The following SUSD6 variants were observed in gnomAD, a reference collection of about 807,000 sequenced individuals.
SUSD6 encodes the protein sushi domain containing 6.
Under a neutral mutation model 28.4 loss-of-function variants are expected in SUSD6, and 16 were observed. The observed-to-expected ratio is 0.56, with a 90% CI of 0.38 to 0.86. The LOEUF (loss-of-function observed/expected upper bound fraction) is 0.86, where lower values mean the gene tolerates loss of function less well. Among genes scored for constraint, SUSD6 ranks in the 40% least tolerant of loss-of-function variants. The probability of loss-of-function intolerance (pLI) is 0.00; values close to 1 mark genes in which losing one functional copy is unlikely to be tolerated. For missense variants in SUSD6, 341 were observed against 384.2 expected (o/e 0.89, Z 0.94); for synonymous variants, 147 against 159.6 (o/e 0.92, Z 0.59).
chr14:69,700,558 G>T (rs1489097247), intron 2 of SUSD6, among the ~76,000 whole-genome samples: 1 of 152,148 alleles, frequency 6.6e-6, no homozygotes, highest in Non-Finnish European at 1.5e-5. Flanking sequence ...AAACTGGGCT[G>T]CTTGCTGTTC....
At chr14:69,640,662 G>T (rs1314165468) in intron 1 of SUSD6, among the ~76,000 whole-genome samples, 1 of 152,180 alleles carries the variant, frequency 6.6e-6, no homozygotes, top group Non-Finnish European at 1.5e-5. Context: ...ATCTGAATTT[G>T]TAGAGGGCAG....
intron 1 of SUSD6, among the ~76,000 whole-genome samples, chr14:69,633,717 C>T (rs1885227360): frequency 1.3e-5 from 2 of 152,132 alleles, no homozygotes; most frequent in Admixed American, 6.5e-5. Context: ...ACATGATTGC[C>T]TTATTGTGTG....
chr14:69,688,886 A>G (rs1367632436), intron 2 of SUSD6, among the ~76,000 whole-genome samples: 1 of 152,228 alleles, frequency 6.6e-6, no homozygotes, highest in Non-Finnish European at 1.5e-5. Context: ...CTCATGGAAG[A>G]GGAACCCAAG....
chr14:69,684,770 C>T (rs537526137), intron 2 of SUSD6, among the ~76,000 whole-genome samples: 2 of 152,364 alleles, frequency 1.3e-5, no homozygotes, highest in East Asian at 1.9e-4. Flanking sequence ...GCCTTGACTT[C>T]CCCTGCCAGG....
chr14:69,710,898 T>C, intron 5 of SUSD6, 56 bp from the exon 6 acceptor site: 1 of 1,566,724 alleles, frequency 6.4e-7, no homozygotes, highest in Non-Finnish European at 8.8e-7. Context: ...GGGTCGAGAG[T>C]GCTCTAGAGT....
chr14:69,714,856 C>T lies in SUSD6; in HGVS notation c.*3877C>T, dbSNP rs543845799. The T allele has an allele frequency of 6.6e-6, 1 of 152,332 alleles. No homozygotes were observed. The highest frequency in any genetic ancestry group is 2.4e-5 in the African/African-American group (1 of 41,564). 9.4% of individuals were successfully genotyped at this position (152,332 alleles called of 1,614,324 possible). A position where few individuals can be genotyped will look rare whatever the true frequency, so the allele number is the denominator to read the frequency against. ...CGTGGGCTGTGTGGCAGTCCCCACA[C>T]CCTGCCCTGGCTTCTTCAGGTTATC... is the stretch of plus-strand genomic sequence containing the variant. On this transcript the variant is annotated 3_prime_UTR_variant, in exon 6 of 6. Coordinates refer to ENST00000342745, the MANE Select transcript of SUSD6 (RefSeq NM_014734.4).
At chr14:69,702,432 C>T (rs900665494) in intron 2 of SUSD6, among the ~76,000 whole-genome samples, 2 of 152,198 alleles carry the variant, frequency 1.3e-5, no homozygotes, top group African/African-American at 4.8e-5. Context: ...TCCACTCAGA[C>T]CTTCCAGATC....
At chr14:69,667,812 A>T (rs1366616734) in intron 2 of SUSD6, among the ~76,000 whole-genome samples, 1 of 151,676 alleles carries the variant, frequency 6.6e-6, no homozygotes, top group Admixed American at 6.6e-5. Flanking sequence ...TTTCGGTTTT[A>T]TTTCTTTGGT....
chr14:69,709,205 CAA>C, intron 5 of SUSD6, 101 bp downstream of exon 5: 5 of 1,129,912 alleles, frequency 4.4e-6, no homozygotes, highest in Non-Finnish European at 6.2e-6. Flanking sequence ...ATATTTTTAG[CAA>C]AAAAAAGATA....
chr14:69,706,520 C>T (rs973109845), intron 4 of SUSD6, among the ~76,000 whole-genome samples: 3 of 152,046 alleles, frequency 2.0e-5, no homozygotes, highest in Non-Finnish European at 2.9e-5. Context: ...AGTGCAGTGG[C>T]GTGATCACAG....
At chr14:69,612,416 C>G (rs1409168117) in intron 1 of SUSD6, among the ~76,000 whole-genome samples, 1 of 152,226 alleles carries the variant, frequency 6.6e-6, no homozygotes, top group African/African-American at 2.4e-5. Flanking sequence ...TCCCCGAAAC[C>G]AGCTATTTTC....
intron 1 of SUSD6, among the ~76,000 whole-genome samples, chr14:69,644,124 C>A (rs910281583): frequency 1.3e-5 from 2 of 152,146 alleles, no homozygotes; most frequent in African/African-American, 4.8e-5. Flanking sequence ...ACCGTAAACT[C>A]TTAAGGGCGT....
rs143266509 is a variant in SUSD6, at chr14:69,664,989, G to A, written c.121+6276G>A. On this transcript the variant is annotated intron_variant, in intron 2 of 5. Coordinates refer to ENST00000342745, the MANE Select transcript of SUSD6 (RefSeq NM_014734.4). ...AGTGGGAGCCTGCAGAGGGTGTGAG[G>A]AGCCCTTCCAGGTGGCCTGTGCTGG... Among the ~76,000 whole-genome samples, 991 of 152,278 alleles carry A rather than the reference G, an allele frequency of 6.5e-3. 8 individuals are homozygous for A. The highest frequency in any genetic ancestry group is 0.011 in the Non-Finnish European group (749 of 68,010).
intron 4 of SUSD6, among the ~76,000 whole-genome samples, chr14:69,707,028 A>G (rs1886396489): frequency 1.3e-5 from 2 of 152,108 alleles, no homozygotes; most frequent in South Asian, 4.2e-4. Context: ...AAAAAAAGCC[A>G]ATGTCATGAA....
intron 3 of SUSD6, 192 bp downstream of exon 3, chr14:69,703,784 A>G (rs774494029): frequency 1.1e-4 from 69 of 609,110 alleles, no homozygotes; most frequent in Middle Eastern, 4.4e-4. Context: ...TGCATGTCCT[A>G]TTGCATTTCA....
intron 1 of SUSD6, among the ~76,000 whole-genome samples, chr14:69,629,002 C>T (rs1365472120): frequency 6.6e-6 from 1 of 152,028 alleles, no homozygotes; most frequent in Non-Finnish European, 1.5e-5. Context: ...CCACTGAGCT[C>T]GGTTCTGCCT....
intron 2 of SUSD6, among the ~76,000 whole-genome samples, chr14:69,659,398 C>T (rs1885630331): frequency 6.6e-6 from 1 of 152,230 alleles, no homozygotes; most frequent in Non-Finnish European, 1.5e-5. Context: ...CATTTAAAGT[C>T]ACTTCTTTGC....
rs549572598 is a variant in SUSD6, at chr14:69,645,095, A to G, written c.-80-13418A>G. 3.3e-5 allele frequency among the ~76,000 whole-genome samples: 5 copies of G among 152,308 alleles called. No homozygotes were observed. In the East Asian group the frequency reaches 7.7e-4, roughly 23 times the overall value. Reference sequence around the variant, plus strand: ...ACAGGAGGAATCATGGTTTGGTTATAAATTAGGAGGCTTCCTGGAAGTTAC... The same window carrying G: ...ACAGGAGGAATCATGGTTTGGTTATGAATTAGGAGGCTTCCTGGAAGTTAC... On this transcript the variant is annotated intron_variant, in intron 1 of 5. Transcript: ENST00000342745.
intron 2 of SUSD6, among the ~76,000 whole-genome samples, chr14:69,669,684 C>T (rs902355250): frequency 2.7e-5 from 4 of 149,524 alleles, no homozygotes; most frequent in Non-Finnish European, 5.9e-5. Context: ...ATTCTACCTC[C>T]TGCCTTTTCC....
Sources: gnomAD v4.1 joint callset for allele counts (sites outside exome capture counted in the v4.1 genomes callset) on GRCh38, gnomAD v4.1.1 for gene constraint, MANE v1.5 for transcripts, NCBI Gene and HGNC (gene_info 2026-07-23, HGNC 2026-07-21) for gene names.